The following ESPL1 variants were observed in gnomAD, a reference collection of about 807,000 sequenced individuals.
ESPL1 encodes the protein extra spindle pole bodies like 1, separase, also known as separin.
ESPL1 carries 50 observed loss-of-function variants against 217.2 expected under a neutral mutation model. That is an observed-to-expected ratio of 0.23 (90% CI 0.18 to 0.29). The LOEUF (loss-of-function observed/expected upper bound fraction) is 0.29, where lower values mean the gene tolerates loss of function less well. Among genes scored for constraint, ESPL1 ranks in the 10% least tolerant of loss-of-function variants. The pLI is 1.00. For synonymous variants in ESPL1, 994 were observed against 1,081.3 expected, an observed-to-expected ratio of 0.92 and a Z score of 1.58; for missense variants, 1,834 against 2,603.0, an observed-to-expected ratio of 0.70 and a Z score of 6.43.
At chr12:53,276,954 C>G (rs546423065) in intron 8 of ESPL1, 95 bp downstream of exon 8, 2 of 1,556,708 alleles carry the variant, frequency 1.3e-6, no homozygotes, top group South Asian at 1.2e-5. Context: ...GCCCTGAGCT[C>G]TCCCTTCATC....
chr12:53,291,678 G>A lies in ESPL1; in HGVS notation c.5521-12G>A. The A allele has an allele frequency of 6.2e-7, 1 of 1,612,360 alleles. No individual in the cohort carries two copies. ...AATGAAGATGGTGCTCACCACCACT[G>A]TTTCCCTGCAGATCATGCTCAGTGG... On this transcript the variant is annotated splice_polypyrimidine_tract_variant and intron_variant, in intron 25 of 30. Transcript: ENST00000257934.
At chr12:53,279,321 A>G (rs927240543) in intron 11 of ESPL1, among the ~76,000 whole-genome samples, 5 of 152,168 alleles carry the variant, frequency 3.3e-5, no homozygotes, top group African/African-American at 4.8e-5. Flanking sequence ...GAGCTATTAA[A>G]CCATATTTCT....
intron 4 of ESPL1, 33 bp from the exon 5 acceptor site, chr12:53,270,645 C>T (rs777571325): frequency 1.2e-6 from 2 of 1,613,756 alleles, no homozygotes; most frequent in African/African-American, 2.7e-5. Context: ...CCCAGCATGA[C>T]TCCTCACTCT....
chr12:53,281,723 T>G, intron 13 of ESPL1, 97 bp downstream of exon 13: 1 of 1,220,538 alleles, frequency 8.2e-7, no homozygotes. Flanking sequence ...TCCCTGGAGC[T>G]AGGCAGTATG....
intron 22 of ESPL1, 21 bp downstream of exon 22, chr12:53,289,615 C>T (rs1299636609): frequency 6.2e-7 from 1 of 1,603,444 alleles, no homozygotes; most frequent in Non-Finnish European, 8.5e-7. Context: ...AGCCTTCTGG[C>T]CGGCTCCTCT....
In ESPL1 at chr12:53,282,221, C is replaced by T. The variant is rs368845184; in HGVS notation, c.2620-43C>T. On this transcript the variant is annotated intron_variant, in intron 13 of 30. Coordinates refer to ENST00000257934, the MANE Select transcript of ESPL1 (RefSeq NM_012291.5). The surrounding 1 kb of genome is among the most constrained non-coding windows in gnomAD (Gnocchi z 4.0). The stretch of plus-strand genomic sequence containing the variant: ...CCAGGGCCTCTCAAGCTCTGGAGTG[C>T]CTGACTGCCTTACTGCCTCCTCTGG... 3 of 1,584,676 alleles carry T rather than the reference C, an allele frequency of 1.9e-6. No individual in the cohort carries two copies. The highest frequency in any genetic ancestry group is 1.3e-5 in the African/African-American group (1 of 74,526).
rs143501002 is a variant in ESPL1 at position 53,286,044 on chromosome 12, G to T, written c.3308G>T (p.Gly1103Val). Residue 1103 changes from glycine (G) to valine (V), a missense_variant, in exon 18 of 31, where the codon GGC (glycine) becomes GTC (valine). Transcript: ENST00000257934. This position sits in a 1 kb window ranked among gnomAD's most constrained non-coding sequence, Gnocchi z 5.3. The stretch of plus-strand genomic sequence containing the variant: ...CCAGAGGAGGAGCTCTTCCTAAGAG[G>T]CCCTGCTCTAGAGCTGGTGGCCACT... ...QLPEEELFLR[G>V]PALELVATVA... The T allele has an allele frequency of 6.2e-7, 1 of 1,608,950 alleles. No homozygotes were observed. The highest frequency in any genetic ancestry group is 1.1e-5 in the South Asian group (1 of 91,000).
intron 10 of ESPL1, 60 bp from the exon 11 acceptor site, chr12:53,277,761 G>T: frequency 6.3e-7 from 1 of 1,595,624 alleles, no homozygotes; most frequent in South Asian, 1.1e-5. Context: ...TATGGAGGAA[G>T]GGAAGTTCTC....
chr12:53,292,797 C>A lies in ESPL1; in HGVS notation c.5997-9C>A, dbSNP rs767186485. On this transcript the variant is annotated splice_polypyrimidine_tract_variant and intron_variant, in intron 29 of 30. Coordinates refer to ENST00000257934, the MANE Select transcript of ESPL1 (RefSeq NM_012291.5). This position sits in a 1 kb window ranked among gnomAD's most constrained non-coding sequence, Gnocchi z 4.5. ...AGCTCAAGACTCATCTCACCTCCTT[C>A]TGCCTTAGCTATGCAGGGCATGGGG... 1.9e-6 allele frequency: 3 copies of A among 1,607,606 alleles called. No homozygotes were observed. The highest frequency in any genetic ancestry group is 2.2e-5 in the East Asian group (1 of 44,896).
At chr12:53,285,176 A>T (rs1029440758) in intron 17 of ESPL1, among the ~76,000 whole-genome samples, 1 of 152,174 alleles carries the variant, frequency 6.6e-6, no homozygotes, top group Non-Finnish European at 1.5e-5. Context: ...ATAATAAAAC[A>T]TTGCATTGAT....
chr12:53,277,297 T>G (rs1943785641), intron 9 of ESPL1, 70 bp downstream of exon 9: 2 of 1,544,998 alleles, frequency 1.3e-6, no homozygotes, highest in Non-Finnish European at 1.8e-6. Context: ...CCCCAACAAG[T>G]TGGTATCAGC....
intron 12 of ESPL1, among the ~76,000 whole-genome samples, chr12:53,280,226 C>G (rs1236064325): frequency 1.3e-5 from 2 of 152,182 alleles, no homozygotes; most frequent in African/African-American, 4.8e-5. Flanking sequence ...ACTTCGTCTT[C>G]TTAACGACCA....
At position 53,293,620 on chromosome 12, in the gene ESPL1, T is replaced by A; in HGVS notation, c.*146T>A. 1 of 643,034 alleles carries A rather than the reference T, an allele frequency of 1.6e-6. No individual in the cohort carries two copies. The highest frequency in any genetic ancestry group is 2.7e-6 in the Non-Finnish European group (1 of 371,414). The allele number at this position is 643,034 out of a possible 1,614,324, so 39.8% of individuals were successfully genotyped here. A position where few individuals can be genotyped will look rare whatever the true frequency, so the allele number is the denominator to read the frequency against. ...TCCTTTTGATTTAACCTCAGTATAA[T>A]AAAGATACATCATTTAAACCCTGTT... On this transcript the variant is annotated 3_prime_UTR_variant, in exon 31 of 31. Coordinates refer to ENST00000257934, the MANE Select transcript of ESPL1 (RefSeq NM_012291.5). This position sits in a 1 kb window ranked among gnomAD's most constrained non-coding sequence, Gnocchi z 4.2.
At position 53,292,193 on chromosome 12, in the gene ESPL1, C is replaced by A; in HGVS notation, c.5797-85C>A. 1.4e-6 allele frequency: 2 copies of A among 1,415,892 alleles called. No homozygotes were observed. The highest frequency in any genetic ancestry group is 2.3e-5 in the East Asian group (1 of 43,982). 87.7% of individuals were successfully genotyped at this position (1,415,892 alleles called of 1,614,324 possible). On this transcript the variant is annotated intron_variant, in intron 27 of 30. Coordinates refer to ENST00000257934, the MANE Select transcript of ESPL1 (RefSeq NM_012291.5). The surrounding 1 kb of genome is among the most constrained non-coding windows in gnomAD (Gnocchi z 4.5). The stretch of plus-strand genomic sequence containing the variant: ...AGATAGGAGAGGGTCCTAGGAATGG[C>A]TCAGACATGGAAAGGGGCTGAGATT...
Position 53,280,924 on chromosome 12 carries a change from G to A in ESPL1, c.2500-583G>A, listed in dbSNP as rs543488199. Among the ~76,000 whole-genome samples, 11 of 151,440 alleles carry A rather than the reference G, an allele frequency of 7.3e-5. No homozygotes were observed. The South Asian group carries it at 1.9e-3, about 26-fold the overall frequency. ...AGGAGAGCACTTGATCCCGGGAGGC[G>A]GAGGTTGCGGTGAGCTGAGATCACA... On this transcript the variant is annotated intron_variant, in intron 12 of 30. Coordinates refer to ENST00000257934, the MANE Select transcript of ESPL1 (RefSeq NM_012291.5).
At chr12:53,274,692 C>T (rs984774415) in intron 6 of ESPL1, 125 bp from the exon 7 acceptor site, 4 of 717,200 alleles carry the variant, frequency 5.6e-6, no homozygotes, top group Non-Finnish European at 9.6e-6. Context: ...GGGTGTGGCT[C>T]AGGAGGCCCA....
At chr12:53,283,328 C>T in intron 15 of ESPL1, 54 bp from the exon 16 acceptor site, 2 of 1,611,590 alleles carry the variant, frequency 1.2e-6, no homozygotes, top group South Asian at 2.2e-5. Context: ...GGTTTTTTCT[C>T]CAGAGGATCC....
rs1195174179 is a variant in ESPL1 at position 53,292,077 on chromosome 12, A to G, written c.5785A>G (p.Ile1929Val). The change falls in exon 27 of 31, where the codon ATC (isoleucine) becomes GTC (valine). Residue 1929 changes from isoleucine (I) to valine (V), a missense_variant. Ile to Val is a conservative substitution (Grantham distance 29). Around this residue, in one of 5 missense-constraint regions of ESPL1, gnomAD observed 295 missense variants for 519.8 expected, o/e 0.57. Coordinates refer to ENST00000257934, the MANE Select transcript of ESPL1 (RefSeq NM_012291.5). This position sits in a 1 kb window ranked among gnomAD's most constrained non-coding sequence, Gnocchi z 4.5. ...PSFRFLLSYS[I>V]IKEYGASPVL... ...CTTCCGCTTCCTACTCAGCTACTCC[A>G]TCATCAAAGAGGTGGGGTTCAGGGC... 1 of 1,613,200 alleles carries G rather than the reference A, an allele frequency of 6.2e-7. No individual in the cohort carries two copies.
Position 53,269,701 on chromosome 12 carries a change from G to A in ESPL1, c.759G>A (p.Glu253=). 6.2e-7 allele frequency: 1 copy of A among 1,614,176 alleles called. No individual in the cohort carries two copies. Among genetic ancestry groups the A allele is most frequent in the Non-Finnish European group, 8.5e-7 (1 of 1,180,042 alleles). Residue 253 remains glutamate, a synonymous_variant, in exon 3 of 31, where the codon GAG becomes GAA. Transcript: ENST00000257934. This position sits in a 1 kb window ranked among gnomAD's most constrained non-coding sequence, Gnocchi z 6.7. ...LSPQRALCLL[E]LTLEHCRRFC... ...CCCAGAGGGCCCTCTGCCTCTTGGAGCTCACCTTGGAACACTGCCGTCGCT... is the reference window on the plus strand; with the variant it reads ...CCCAGAGGGCCCTCTGCCTCTTGGAACTCACCTTGGAACACTGCCGTCGCT...
Sources: gnomAD v4.1 joint callset for allele counts (sites outside exome capture counted in the v4.1 genomes callset) on GRCh38, gnomAD v4.1.1 for gene constraint, gnomAD v4.1.1 regional missense constraint, Gnocchi (gnomAD v3.1) non-coding constraint, MANE v1.5 for transcripts, NCBI Gene and HGNC (gene_info 2026-07-23, HGNC 2026-07-21) for gene names.